The following MAP3K7CL variants were observed in gnomAD, a reference collection of about 807,000 sequenced individuals.
MAP3K7CL encodes MAP3K7 C-terminal like, also known as MAP3K7 C-terminal-like protein.
MAP3K7CL carries 16 observed loss-of-function variants against 18.6 expected under a neutral mutation model. That is an observed-to-expected ratio of 0.86 (90% CI 0.58 to 1.31). MAP3K7CL has a LOEUF of 1.31. MAP3K7CL is among the 50% of genes most tolerant of loss of function. The pLI, the probability that MAP3K7CL is intolerant of heterozygous loss-of-function variation, is 0.00. For missense variants in MAP3K7CL, 163 were observed against 174.4 expected (o/e 0.93, Z 0.37); for synonymous variants, 65 against 66.8 (o/e 0.97, Z 0.13).
At chr21:29,093,331 C>T (rs1253088555) in intron 4 of MAP3K7CL, among the ~76,000 whole-genome samples, 1 of 152,202 alleles carries the variant, frequency 6.6e-6, no homozygotes, top group African/African-American at 2.4e-5. Flanking sequence ...TTAAGAGTAT[C>T]TCTACAACTA....
chr21:29,110,524 G>A (rs996339089), intron 4 of MAP3K7CL, among the ~76,000 whole-genome samples: 1 of 152,026 alleles, frequency 6.6e-6, no homozygotes, highest in African/African-American at 2.4e-5. Flanking sequence ...AGTCTCCCAA[G>A]TAGCTGGGAT....
chr21:29,144,239 G>T (rs750897883), intron 2 of MAP3K7CL, among the ~76,000 whole-genome samples: 4 of 151,656 alleles, frequency 2.6e-5, no homozygotes, highest in Non-Finnish European at 5.9e-5. Flanking sequence ...GCAACCTCCA[G>T]TTCTCACTGC....
Position 29,149,184 on chromosome 21 carries a change from T to G in MAP3K7CL, c.71-5T>G, listed in dbSNP as rs1195901782. On this transcript the variant is annotated splice_region_variant and splice_polypyrimidine_tract_variant and intron_variant, in intron 2 of 4. Transcript: ENST00000399928. ...GTGAAGAATCATTTTATTTCCTTGT[T>G]TTAGATGATACACCCCCTGAAGACT... The G allele has an allele frequency of 2.5e-6, 4 of 1,613,370 alleles. No homozygotes were observed. In the African/African-American group the frequency reaches 5.3e-5, roughly 22 times the overall value.
intron 4 of MAP3K7CL, among the ~76,000 whole-genome samples, chr21:29,116,381 C>T (rs1194753287): frequency 1.3e-5 from 2 of 152,168 alleles, no homozygotes; most frequent in African/African-American, 4.8e-5. Flanking sequence ...GATGAGTTTT[C>T]TCGAGTAAAA....
At chr21:29,083,273 T>C (rs1402614553), upstream of MAP3K7CL, among the ~76,000 whole-genome samples, 2 of 149,746 alleles carry the variant, frequency 1.3e-5, no homozygotes, top group African/African-American at 4.9e-5. Flanking sequence ...AAATTTATGT[T>C]TGAGCAAAAT....
At chr21:29,082,052 G>T (rs1435391473), upstream of MAP3K7CL, among the ~76,000 whole-genome samples, 2 of 152,178 alleles carry the variant, frequency 1.3e-5, no homozygotes, top group Non-Finnish European at 2.9e-5. Flanking sequence ...GAATAAAACA[G>T]GGATGTTTTG....
chr21:29,104,831 T>C (rs1197134469), intron 4 of MAP3K7CL, among the ~76,000 whole-genome samples: 1 of 152,238 alleles, frequency 6.6e-6, no homozygotes, highest in Non-Finnish European at 1.5e-5. Context: ...TACCCTCTTT[T>C]CGAAGTGGTA....
intron 4 of MAP3K7CL, among the ~76,000 whole-genome samples, chr21:29,124,793 T>C: frequency 6.6e-6 from 1 of 152,260 alleles, no homozygotes; most frequent in East Asian, 1.9e-4. Flanking sequence ...AATACAGCTA[T>C]ACACATTTAC....
At chr21:29,086,512 A>G (rs1418540026) in intron 1 of MAP3K7CL, among the ~76,000 whole-genome samples, 1 of 152,242 alleles carries the variant, frequency 6.6e-6, no homozygotes, top group East Asian at 1.9e-4. Flanking sequence ...TAGTGACCAC[A>G]GCATTGAGTA....
intron 3 of MAP3K7CL, among the ~76,000 whole-genome samples, chr21:29,152,165 T>C (rs932944902): frequency 1.3e-5 from 2 of 152,236 alleles, no homozygotes; most frequent in Admixed American, 6.5e-5. Flanking sequence ...TGCCTCTGTC[T>C]AGAGCTGTTG....
chr21:29,100,253 C>T (rs2086203223), intron 4 of MAP3K7CL, among the ~76,000 whole-genome samples: 1 of 152,196 alleles, frequency 6.6e-6, no homozygotes, highest in Non-Finnish European at 1.5e-5. Context: ...ATTGAGTAAT[C>T]TTCAAACCCT....
chr21:29,165,808 G>A (rs1373014202), intron 4 of MAP3K7CL, among the ~76,000 whole-genome samples: 2 of 152,182 alleles, frequency 1.3e-5, no homozygotes, highest in Non-Finnish European at 1.5e-5. Flanking sequence ...CTGGCCTCAA[G>A]TGATCGGGCT....
At chr21:29,171,360 C>T (rs998689475) in intron 4 of MAP3K7CL, among the ~76,000 whole-genome samples, 5 of 152,198 alleles carry the variant, frequency 3.3e-5, no homozygotes, top group African/African-American at 7.2e-5. Context: ...CACTTTCTAA[C>T]ATCTGGTTTT....
intron 4 of MAP3K7CL, among the ~76,000 whole-genome samples, chr21:29,116,262 A>G (rs2086503974): frequency 6.6e-6 from 1 of 152,256 alleles, no homozygotes; most frequent in African/African-American, 2.4e-5. Context: ...GTTAAGTCAC[A>G]TGAATTTAGA....
At chr21:29,172,585 G>A (rs184714833) in intron 4 of MAP3K7CL, among the ~76,000 whole-genome samples, 5 of 152,120 alleles carry the variant, frequency 3.3e-5, no homozygotes, top group African/African-American at 7.2e-5. Flanking sequence ...CCCAGGTTTA[G>A]CATCCGGTCT....
chr21:29,092,438 G>A lies in MAP3K7CL; in HGVS notation c.228-1G>A. 1 of 1,614,178 alleles carries A rather than the reference G, an allele frequency of 6.2e-7. No homozygotes were observed. The highest frequency in any genetic ancestry group is 1.3e-5 in the African/African-American group (1 of 75,062). ...TTGATTTGGCCTTGATCTTTATTTA[G>A]TATTTCAGTTTTATGCTCTGCAACA... On this transcript the variant is annotated splice_acceptor_variant, in intron 3 of 6. Transcript: ENST00000286791. LOFTEE classifies it high-confidence loss of function.
At chr21:29,106,211 GAGT>G (rs2086320087) in intron 4 of MAP3K7CL, among the ~76,000 whole-genome samples, 1 of 152,070 alleles carries the variant, frequency 6.6e-6, no homozygotes, top group Admixed American at 6.6e-5. Context: ...TTTTGAGATG[GAGT>G]ATTGCTCTGT....
At chr21:29,105,478 A>G (rs2057102447) in intron 4 of MAP3K7CL, among the ~76,000 whole-genome samples, 1 of 152,208 alleles carries the variant, frequency 6.6e-6, no homozygotes, top group African/African-American at 2.4e-5. Flanking sequence ...CTATAAAGGA[A>G]TAATCCTAGT....
chr21:29,105,306 A>G (rs2086301868), intron 4 of MAP3K7CL, among the ~76,000 whole-genome samples: 1 of 152,172 alleles, frequency 6.6e-6, no homozygotes, highest in Admixed American at 6.5e-5. Context: ...CCGCCTTCCC[A>G]TGCCATGCTG....
Sources: gnomAD v4.1 joint callset for allele counts (sites outside exome capture counted in the v4.1 genomes callset) on GRCh38, gnomAD v4.1.1 for gene constraint, MANE v1.5 for transcripts, NCBI Gene and HGNC (gene_info 2026-07-23, HGNC 2026-07-21) for gene names.